The following SMG6 variants were observed in gnomAD, a reference collection of about 807,000 sequenced individuals.
SMG6 encodes SMG6 nonsense mediated mRNA decay factor.
In SMG6, 66 loss-of-function variants were observed where a neutral mutation model predicts 142.2. The observed-to-expected ratio is 0.46, with a 90% CI of 0.38 to 0.57. SMG6 has a LOEUF of 0.57. SMG6 is among the 20% of genes least tolerant of loss of function. The probability of loss-of-function intolerance (pLI) is 0.00; values close to 1 mark genes in which losing one functional copy is unlikely to be tolerated. For missense variants in SMG6, 1,793 were observed against 1,832.0 expected, an observed-to-expected ratio of 0.98 and a Z score of 0.39; for synonymous variants, 779 against 702.4, an observed-to-expected ratio of 1.11 and a Z score of -1.72.
Position 2,289,687 on chromosome 17 carries a change from G to C in SMG6, c.2337+2865C>G, listed in dbSNP as rs957553102. Among the ~76,000 whole-genome samples the C allele has an allele frequency of 6.6e-5, 10 of 151,944 alleles. 1 individual carries two copies. The highest frequency in any genetic ancestry group is 6.6e-4 in the Admixed American group (10 of 15,250). On this transcript the variant is annotated intron_variant, in intron 6 of 18. Coordinates refer to ENST00000263073, the MANE Select transcript of SMG6 (RefSeq NM_017575.5). ...TCCCAGTGTGAGGCTGAGGTAGGTG[G>C]ATCACTTGAGGTCACAAGTTCAAGA...
intron 6 of SMG6, among the ~76,000 whole-genome samples, chr17:2,285,926 A>G (rs1253079274): frequency 6.6e-6 from 1 of 152,112 alleles, no homozygotes; most frequent in Non-Finnish European, 1.5e-5. Flanking sequence ...CGCCTGCCTC[A>G]GCCTCCCAAA....
chr17:2,283,472 C>T (rs182568160), intron 7 of SMG6, among the ~76,000 whole-genome samples, 153 bp downstream of exon 7: 1 of 152,162 alleles, frequency 6.6e-6, no homozygotes, highest in African/African-American at 2.4e-5. Flanking sequence ...CACTATGAGT[C>T]ATTCCCCGAG....
At chr17:2,200,407 G>A (rs1279811091) in intron 10 of SMG6, among the ~76,000 whole-genome samples, 13 of 151,606 alleles carry the variant, frequency 8.6e-5, no homozygotes, top group African/African-American at 2.7e-4. Context: ...TGTGCACAAC[G>A]TGCAGGTTTG....
Position 2,068,129 on chromosome 17 carries a change from C to T in SMG6, c.3835+649G>A, listed in dbSNP as rs1264528557. Among the ~76,000 whole-genome samples the T allele has an allele frequency of 3.3e-5, 5 of 152,168 alleles. No homozygotes were observed. Among genetic ancestry groups the T allele is most frequent in the Admixed American group, 2.6e-4 (4 of 15,278 alleles). On this transcript the variant is annotated intron_variant, in intron 16 of 18. Coordinates refer to ENST00000263073, the MANE Select transcript of SMG6 (RefSeq NM_017575.5). The surrounding 1 kb of genome is among the most constrained non-coding windows in gnomAD (Gnocchi z 6.7). ...CCCAGACGGTCCCGTGGAGACGGCCCAGCTGGGCCTCTCTGGCTAGAGGGT... is the reference window on the plus strand; with the variant it reads ...CCCAGACGGTCCCGTGGAGACGGCCTAGCTGGGCCTCTCTGGCTAGAGGGT...
intron 13 of SMG6, among the ~76,000 whole-genome samples, chr17:2,115,170 C>T (rs2069468579): frequency 6.6e-6 from 1 of 151,808 alleles, no homozygotes; most frequent in Non-Finnish European, 1.5e-5. Flanking sequence ...CCCAGAATAA[C>T]ATTAGGTTGA....
intron 13 of SMG6, among the ~76,000 whole-genome samples, chr17:2,121,205 C>A (rs566560737): frequency 6.6e-6 from 1 of 152,258 alleles, no homozygotes. Flanking sequence ...TTGTGTACAA[C>A]TATTCACAGC....
intron 13 of SMG6, among the ~76,000 whole-genome samples, chr17:2,153,393 G>A (rs571425194): frequency 3.3e-4 from 50 of 152,314 alleles, no homozygotes; most frequent in Middle Eastern, 3.4e-3. Context: ...GGTTGCATGA[G>A]GGAATTTTTG....
intron 16 of SMG6, chr17:2,066,233 T>G (rs898684478): frequency 3.0e-5 from 5 of 169,358 alleles, no homozygotes; most frequent in African/African-American, 1.2e-4. Context: ...ATCTACCTTC[T>G]CTGATACTGC....
At chr17:2,214,811 C>T (rs923782906) in intron 10 of SMG6, among the ~76,000 whole-genome samples, 1 of 152,104 alleles carries the variant, frequency 6.6e-6, no homozygotes, top group Non-Finnish European at 1.5e-5. Flanking sequence ...GGAAAGAAAC[C>T]TGATAAGAAA....
chr17:2,087,751 G>A (rs531662263), intron 13 of SMG6: 3 of 986,188 alleles, frequency 3.0e-6, no homozygotes, highest in South Asian at 4.7e-5. Flanking sequence ...GAACAGAGCC[G>A]AAATGAGTAA....
rs375417133 is a variant in SMG6 at position 2,139,425 on chromosome 17, C to CTT, written c.3357+33231_3357+33232dup. Among the ~76,000 whole-genome samples, 449 of 139,238 alleles carry CTT rather than the reference C, an allele frequency of 3.2e-3. 13 individuals carry two copies. Among genetic ancestry groups the CTT allele is most frequent in the African/African-American group, 0.011 (423 of 37,520 alleles). 91.3% of individuals were successfully genotyped at this position (139,238 alleles called of 152,430 possible). A position where few individuals can be genotyped will look rare whatever the true frequency, so the allele number is the denominator to read the frequency against. On this transcript the variant is annotated intron_variant, in intron 13 of 18. Coordinates refer to ENST00000263073, the MANE Select transcript of SMG6 (RefSeq NM_017575.5). ...CTTATGGAAAAGTGCCTGCTTTTTT[C>CTT]TTTTTTTTTTTTTTGAGATGGAGTC...
intron 13 of SMG6, among the ~76,000 whole-genome samples, chr17:2,164,248 C>A (rs974694559): frequency 1.3e-5 from 2 of 151,234 alleles, no homozygotes; most frequent in Non-Finnish European, 2.9e-5. Flanking sequence ...CATGGTGAAA[C>A]CCCATCTCTA....
Position 2,299,225 on chromosome 17 carries a change from A to T in SMG6, c.1528T>A (p.Tyr510Asn). The T allele has an allele frequency of 6.2e-7, 1 of 1,613,916 alleles. No homozygotes were observed. The highest frequency in any genetic ancestry group is 8.5e-7 in the Non-Finnish European group (1 of 1,179,930). ...GAGGCAGGGCCTGGTGTCCGGGGGT[A>T]ATAATAGGGGTTGTCAGAGTTTTGA... The part of the protein sequence containing the change: ...KFQNSDNPYY[Y>N]PRTPGPASQY... The change falls in exon 2 of 19, where the codon TAC (tyrosine) becomes AAC (asparagine). Residue 510 changes from tyrosine (Y) to asparagine (N), a missense_variant. By Grantham distance (143) the Tyr-to-Asn change is moderately radical. Transcript: ENST00000263073. The surrounding 1 kb of genome is among the most constrained non-coding windows in gnomAD (Gnocchi z 4.3).
chr17:2,262,281 T>G (rs1197316157), intron 8 of SMG6, among the ~76,000 whole-genome samples: 1 of 152,148 alleles, frequency 6.6e-6, no homozygotes, highest in Non-Finnish European at 1.5e-5. Context: ...AGGCATGACT[T>G]TAGAGTGAGT....
At chr17:2,297,791 A>G (rs1161014018) in intron 3 of SMG6, 72 bp downstream of exon 3, 118 of 1,499,270 alleles carry the variant, frequency 7.9e-5, no homozygotes, top group Non-Finnish European at 1.1e-4. Context: ...ATAGTATTTC[A>G]GGTAGTAAAA....
At chr17:2,287,059 G>A (rs1006942127) in intron 6 of SMG6, among the ~76,000 whole-genome samples, 2 of 150,850 alleles carry the variant, frequency 1.3e-5, no homozygotes, top group Non-Finnish European at 1.5e-5. Flanking sequence ...AGCCTTCCCA[G>A]TAGCTGGGAC....
intron 8 of SMG6, among the ~76,000 whole-genome samples, chr17:2,253,420 T>TGA (rs2074093922): frequency 6.6e-6 from 1 of 152,028 alleles, no homozygotes; most frequent in Non-Finnish European, 1.5e-5. Flanking sequence ...CCTAAAATAT[T>TGA]TACTATCCAG....
At chr17:2,117,414 G>A (rs1241778580) in intron 13 of SMG6, among the ~76,000 whole-genome samples, 3 of 151,946 alleles carry the variant, frequency 2.0e-5, no homozygotes, top group East Asian at 1.9e-4. Flanking sequence ...CAAATAATGC[G>A]CAAATAACTA....
At chr17:2,293,141 A>G (rs1249387625) in intron 4 of SMG6, among the ~76,000 whole-genome samples, 164 bp from the exon 5 acceptor site, 2 of 152,154 alleles carry the variant, frequency 1.3e-5, no homozygotes, top group African/African-American at 4.8e-5. Flanking sequence ...AAAAAACACA[A>G]CAAACTATAA....
Sources: gnomAD v4.1 joint callset for allele counts (sites outside exome capture counted in the v4.1 genomes callset) on GRCh38, gnomAD v4.1.1 for gene constraint, Gnocchi (gnomAD v3.1) non-coding constraint, MANE v1.5 for transcripts, NCBI Gene and HGNC (gene_info 2026-07-23, HGNC 2026-07-21) for gene names.